CLIP4: variants seen among roughly 807,000 people sequenced by gnomAD.
CLIP4 encodes CAP-Gly domain-containing linker protein 4.
Under a neutral mutation model 73.1 loss-of-function variants are expected in CLIP4, and 47 were observed. The observed-to-expected ratio is 0.64, with a 90% CI of 0.51 to 0.82. The LOEUF (loss-of-function observed/expected upper bound fraction) is 0.82, where lower values mean the gene tolerates loss of function less well. Among genes scored for constraint, CLIP4 ranks in the 40% least tolerant of loss-of-function variants. The probability of loss-of-function intolerance (pLI) is 0.00; values close to 1 mark genes in which losing one functional copy is unlikely to be tolerated. For synonymous variants in CLIP4, 306 were observed against 295.4 expected (o/e 1.04, Z -0.37); for missense variants, 874 against 852.9 (o/e 1.02, Z -0.31).
intron 1 of CLIP4, among the ~76,000 whole-genome samples, chr2:29,116,739 T>A (rs7568100): frequency 0.19 from 28,764 of 152,228 alleles, 2,904 homozygotes; most frequent in Middle Eastern, 0.29. Flanking sequence ...TTTGATACGG[T>A]CTATCTGGAC....
At chr2:29,160,193 G>A (rs1667196326) in intron 11 of CLIP4, 140 bp from the exon 12 acceptor site, 1 of 963,788 alleles carries the variant, frequency 1.0e-6, no homozygotes, top group Non-Finnish European at 1.6e-6. Flanking sequence ...AAAGGCATCA[G>A]ATATCAAAAT....
At chr2:29,149,972 A>G (rs1666440267) in intron 8 of CLIP4, among the ~76,000 whole-genome samples, 1 of 152,182 alleles carries the variant, frequency 6.6e-6, no homozygotes, top group African/African-American at 2.4e-5. Context: ...AAAATACCTT[A>G]TTCACTTATA....
At chr2:29,158,861 C>G (rs1667108650) in intron 11 of CLIP4, among the ~76,000 whole-genome samples, 1 of 152,192 alleles carries the variant, frequency 6.6e-6, no homozygotes, top group Non-Finnish European at 1.5e-5. Flanking sequence ...CCTTCAACTC[C>G]TGGACCCAGG....
chr2:29,133,839 T>C (rs1665156387), intron 5 of CLIP4, 23 bp downstream of exon 5: 1 of 1,551,162 alleles, frequency 6.4e-7, no homozygotes, highest in African/African-American at 1.4e-5. Flanking sequence ...AGATCACCTT[T>C]AGATATTATT....
intron 4 of CLIP4, among the ~76,000 whole-genome samples, chr2:29,133,396 A>G (rs1665120709): frequency 6.6e-6 from 1 of 152,186 alleles, no homozygotes; most frequent in African/African-American, 2.4e-5. Context: ...TTATTTAACC[A>G]ATTTCTTATT....
intron 1 of CLIP4, among the ~76,000 whole-genome samples, chr2:29,120,062 TCAC>T (rs1283584824): frequency 1.3e-5 from 2 of 152,316 alleles, no homozygotes; most frequent in Admixed American, 6.5e-5. Context: ...TTGAGGAAGA[TCAC>T]CGCTGCTCTA....
chr2:29,159,692 A>C (rs900787356), intron 11 of CLIP4, among the ~76,000 whole-genome samples: 1 of 101,576 alleles, frequency 9.8e-6, no homozygotes, highest in African/African-American at 2.7e-5. Flanking sequence ...TTAAAAAAAA[A>C]AAAAAAAAAA....
intron 15 of CLIP4, among the ~76,000 whole-genome samples, chr2:29,177,407 CAA>C (rs58183066): frequency 0.042 from 5,667 of 136,536 alleles, 333 homozygotes; most frequent in African/African-American, 0.13. Context: ...GACTCCGTCT[CAA>C]AAAAAAAAAA....
intron 4 of CLIP4, among the ~76,000 whole-genome samples, chr2:29,132,866 T>C (rs922365691): frequency 3.3e-5 from 5 of 152,080 alleles, no homozygotes; most frequent in Non-Finnish European, 7.4e-5. Flanking sequence ...AATAAAGCCA[T>C]AAAATATAAG....
chr2:29,155,390 A>T (rs1037590339), intron 9 of CLIP4, among the ~76,000 whole-genome samples: 6 of 109,000 alleles, frequency 5.5e-5, no homozygotes, highest in Admixed American at 1.1e-4. Flanking sequence ...CAACCAAATG[A>T]TACACCCAAG....
chr2:29,153,977 G>A (rs1396776911), intron 9 of CLIP4, among the ~76,000 whole-genome samples: 1 of 152,150 alleles, frequency 6.6e-6, no homozygotes, highest in Non-Finnish European at 1.5e-5. Flanking sequence ...GGTTTTATCT[G>A]ATGTTTTAGT....
chr2:29,145,670 C>T (rs912941893), intron 8 of CLIP4, among the ~76,000 whole-genome samples: 7 of 152,052 alleles, frequency 4.6e-5, no homozygotes, highest in Admixed American at 2.0e-4. Flanking sequence ...TTAGATCAGG[C>T]GCAGCTTTCC....
chr2:29,097,991 T>C (rs568395730), intron 1 of CLIP4: 1 of 152,362 alleles, frequency 6.6e-6, no homozygotes, highest in African/African-American at 2.4e-5. Flanking sequence ...TACAGCCCTC[T>C]GATGAAACTC....
intron 15 of CLIP4, among the ~76,000 whole-genome samples, chr2:29,180,213 G>A (rs1423327384): frequency 6.6e-6 from 1 of 152,136 alleles, no homozygotes; most frequent in African/African-American, 2.4e-5. Context: ...TAGTTTTGAT[G>A]GTTTCTTTCT....
intron 2 of CLIP4, among the ~76,000 whole-genome samples, chr2:29,127,521 G>A (rs1315615454): frequency 1.3e-5 from 2 of 152,056 alleles, no homozygotes; most frequent in African/African-American, 2.4e-5. Flanking sequence ...TTTAACTCTA[G>A]AAAACAAACA....
chr2:29,175,612 C>T (rs1310232939), intron 15 of CLIP4: 2 of 152,156 alleles, frequency 1.3e-5, no homozygotes, highest in Non-Finnish European at 2.9e-5. Flanking sequence ...TATGGTTATA[C>T]ACAAGACGCT....
At chr2:29,149,388 G>A (rs1054270987) in intron 8 of CLIP4, among the ~76,000 whole-genome samples, 1 of 147,872 alleles carries the variant, frequency 6.8e-6, no homozygotes. Context: ...TCTTGGAAGC[G>A]TTTAGTATTT....
intron 5 of CLIP4, among the ~76,000 whole-genome samples, chr2:29,134,573 C>G (rs1215665851): frequency 3.3e-5 from 5 of 150,302 alleles, no homozygotes; most frequent in African/African-American, 9.7e-5. Flanking sequence ...AAGAAAGCCT[C>G]TGTCTACACT....
At chr2:29,169,755 G>A (rs999874818) in intron 14 of CLIP4, among the ~76,000 whole-genome samples, 1 of 152,080 alleles carries the variant, frequency 6.6e-6, no homozygotes, top group Non-Finnish European at 1.5e-5. Context: ...TGTTGGGAAT[G>A]TTATAATTCT....
Sources: gnomAD v4.1 joint callset for allele counts (sites outside exome capture counted in the v4.1 genomes callset) on GRCh38, gnomAD v4.1.1 for gene constraint, MANE v1.5 for transcripts, NCBI Gene and HGNC (gene_info 2026-07-23, HGNC 2026-07-21) for gene names.